The following ZBTB20 variants were observed in gnomAD, a reference collection of about 807,000 sequenced individuals.
The protein encoded by ZBTB20 is zinc finger and BTB domain containing 20.
ZBTB20 carries 9 observed loss-of-function variants against 56.9 expected under a neutral mutation model. The ratio of observed to expected loss-of-function variants is 0.16; its 90% CI spans 0.10 to 0.28. ZBTB20 has a LOEUF of 0.28. Ranked by LOEUF, ZBTB20 falls within the 10% of genes least tolerant of loss-of-function variation. ZBTB20 has a pLI of 1.00. For missense variants in ZBTB20, 655 were observed against 1,003.0 expected (o/e 0.65, Z 4.69); for synonymous variants, 417 against 420.7 (o/e 0.99, Z 0.11).
At chr3:114,450,013 C>T (rs1437829437) in intron 7 of ZBTB20, among the ~76,000 whole-genome samples, 1 of 152,128 alleles carries the variant, frequency 6.6e-6, no homozygotes, top group African/African-American at 2.4e-5. Flanking sequence ...GAAAGTTGAA[C>T]AGTACTTACC....
At chr3:114,844,164 T>C (rs2074531861) in intron 4 of ZBTB20, among the ~76,000 whole-genome samples, 1 of 151,416 alleles carries the variant, frequency 6.6e-6, no homozygotes, top group Non-Finnish European at 1.5e-5. Flanking sequence ...TGCTATGACA[T>C]AAATGGATCT....
At chr3:115,020,132 T>G (rs1230824674) in intron 2 of ZBTB20, among the ~76,000 whole-genome samples, 2 of 151,174 alleles carry the variant, frequency 1.3e-5, no homozygotes, top group Non-Finnish European at 3.0e-5. Flanking sequence ...CTTCCTCAAA[T>G]GTATTTTCAA....
chr3:114,486,874 C>G (rs1266050685), intron 7 of ZBTB20, among the ~76,000 whole-genome samples: 1 of 152,104 alleles, frequency 6.6e-6, no homozygotes, highest in Non-Finnish European at 1.5e-5. Context: ...TGAAATGATT[C>G]TCTGGAGCAT....
intron 1 of ZBTB20, among the ~76,000 whole-genome samples, chr3:115,087,189 G>A (rs2083017884): frequency 6.6e-6 from 1 of 151,702 alleles, no homozygotes. Flanking sequence ...TCAAAATTTA[G>A]CTTATGTTCA....
intron 1 of ZBTB20, among the ~76,000 whole-genome samples, chr3:115,089,325 A>G (rs1430480331): frequency 6.6e-6 from 1 of 151,858 alleles, no homozygotes; most frequent in African/African-American, 2.4e-5. Context: ...GGGTTAAGAA[A>G]TACTTCATAG....
chr3:114,995,746 C>T (rs1382872432), intron 2 of ZBTB20, among the ~76,000 whole-genome samples: 1 of 151,774 alleles, frequency 6.6e-6, no homozygotes, highest in Non-Finnish European at 1.5e-5. Context: ...AATCTCTGGT[C>T]TATTGCAAGA....
At chr3:114,994,547 G>A (rs2078950432) in intron 2 of ZBTB20, among the ~76,000 whole-genome samples, 1 of 151,852 alleles carries the variant, frequency 6.6e-6, no homozygotes, top group African/African-American at 2.4e-5. Context: ...AATTAAATAA[G>A]TATTTTTGTC....
At chr3:114,906,844 T>C (rs1199322298) in intron 3 of ZBTB20, among the ~76,000 whole-genome samples, 1 of 151,454 alleles carries the variant, frequency 6.6e-6, no homozygotes, top group Non-Finnish European at 1.5e-5. Flanking sequence ...TAAAAAAAAA[T>C]GTGTAAGACA....
intron 1 of ZBTB20, among the ~76,000 whole-genome samples, chr3:115,090,529 C>T (rs1406915913): frequency 1.3e-5 from 2 of 151,578 alleles, no homozygotes; most frequent in East Asian, 3.9e-4. Context: ...ATAGAGATAA[C>T]ATTTTAAGTC....
chr3:114,480,043 A>G (rs759669445), intron 7 of ZBTB20, among the ~76,000 whole-genome samples: 1 of 152,118 alleles, frequency 6.6e-6, no homozygotes, highest in Non-Finnish European at 1.5e-5. Flanking sequence ...TTTCCCCCTA[A>G]TTTTTGTTGA....
At chr3:114,921,049 G>A (rs758506344) in intron 3 of ZBTB20, among the ~76,000 whole-genome samples, 10 of 151,992 alleles carry the variant, frequency 6.6e-5, no homozygotes, top group African/African-American at 1.2e-4. Context: ...AATAAAATTC[G>A]GAACAGATTA....
chr3:114,773,519 C>T (rs2069364040), intron 5 of ZBTB20, among the ~76,000 whole-genome samples: 1 of 152,078 alleles, frequency 6.6e-6, no homozygotes, highest in Non-Finnish European at 1.5e-5. Context: ...TACCTCGAGA[C>T]TAAAGGAAAA....
At chr3:114,705,640 T>G (rs2063673313) in intron 5 of ZBTB20, among the ~76,000 whole-genome samples, 1 of 152,220 alleles carries the variant, frequency 6.6e-6, no homozygotes. Context: ...TTGGTATTTT[T>G]TTCCCCACTC....
chr3:114,450,788 C>A (rs1576816912), intron 7 of ZBTB20, among the ~76,000 whole-genome samples: 1 of 152,000 alleles, frequency 6.6e-6, no homozygotes, highest in South Asian at 2.1e-4. Flanking sequence ...AGAAATACAA[C>A]AAAAATTTAG....
At chr3:115,073,477 C>G (rs773347070) in intron 1 of ZBTB20, among the ~76,000 whole-genome samples, 38 of 151,998 alleles carry the variant, frequency 2.5e-4, no homozygotes, top group Non-Finnish European at 8.8e-5. Flanking sequence ...CAACCTCTCT[C>G]AAAAAGAGAA....
intron 6 of ZBTB20, among the ~76,000 whole-genome samples, chr3:114,577,864 G>A (rs1455554300): frequency 6.6e-6 from 1 of 152,132 alleles, no homozygotes; most frequent in Non-Finnish European, 1.5e-5. Flanking sequence ...TCCAGATAAA[G>A]GCAACTGTAA....
intron 3 of ZBTB20, among the ~76,000 whole-genome samples, chr3:114,959,984 C>T (rs2077389416): frequency 1.3e-5 from 2 of 152,018 alleles, no homozygotes; most frequent in Admixed American, 1.3e-4. Flanking sequence ...GCCAAATTCC[C>T]CCAAAAAAGG....
intron 9 of ZBTB20, 48 bp downstream of exon 9, chr3:114,380,729 C>A (rs551691397): frequency 1.2e-5 from 18 of 1,476,724 alleles, no homozygotes; most frequent in Middle Eastern, 1.8e-4. Context: ...CCTCTTCCCC[C>A]CTTAGGAGTT....
chr3:114,856,701 C>A (rs980982588), intron 4 of ZBTB20, among the ~76,000 whole-genome samples: 5 of 152,100 alleles, frequency 3.3e-5, no homozygotes, highest in African/African-American at 1.2e-4. Context: ...GTAATTTAAG[C>A]TCCTCATGAT....
Sources: gnomAD v4.1 joint callset for allele counts (sites outside exome capture counted in the v4.1 genomes callset) on GRCh38, gnomAD v4.1.1 for gene constraint, MANE v1.5 for transcripts, NCBI Gene and HGNC (gene_info 2026-07-23, HGNC 2026-07-21) for gene names.